The following NFE2L2 variants were observed in gnomAD, a reference collection of about 807,000 sequenced individuals.
NFE2L2 encodes NFE2 like bZIP transcription factor 2.
A neutral mutation model predicts 49.6 loss-of-function variants in NFE2L2; 20 were observed. The ratio of observed to expected loss-of-function variants is 0.40; its 90% CI spans 0.28 to 0.59. The LOEUF (loss-of-function observed/expected upper bound fraction) is 0.59. Among genes scored for constraint, NFE2L2 ranks in the 20% least tolerant of loss-of-function variants. The pLI is 0.40. For synonymous variants in NFE2L2, 244 were observed against 256.5 expected, an observed-to-expected ratio of 0.95 and a Z score of 0.47; for missense variants, 578 against 714.2, an observed-to-expected ratio of 0.81 and a Z score of 2.17.
At chr2:177,260,307 G>A (rs920658020) in intron 1 of NFE2L2, among the ~76,000 whole-genome samples, 4 of 152,140 alleles carry the variant, frequency 2.6e-5, no homozygotes, top group Non-Finnish European at 5.9e-5. Flanking sequence ...GAAAGTGGCT[G>A]GACCAAGCAT....
In NFE2L2 at chr2:177,259,910, C is replaced by T. The variant is rs150971937; in HGVS notation, c.45+4622G>A. ...TCATGCCACTGCACTCCAGCCTGGG[C>T]GACAGAGCAAGACTGCGTCTCAAAA... On this transcript the variant is annotated intron_variant, in intron 1 of 4. Coordinates refer to ENST00000397062, the MANE Select transcript of NFE2L2 (RefSeq NM_006164.5). Among the ~76,000 whole-genome samples, 812 of 151,724 alleles carry T rather than the reference C, an allele frequency of 5.4e-3. 4 individuals carry two copies. The highest frequency in any genetic ancestry group is 0.017 in the Middle Eastern group (5 of 292).
In NFE2L2 at chr2:177,234,202, A is replaced by T. The variant is rs2105459306; in HGVS notation, c.115T>A (p.Phe39Ile). 6.2e-7 allele frequency: 1 copy of T among 1,614,082 alleles called. No individual in the cohort carries two copies. Residue 39 changes from phenylalanine to isoleucine, a missense_variant, in exon 2 of 5, where the codon TTC (phenylalanine) becomes ATC (isoleucine). By Grantham distance (21) the Phe-to-Ile change is conservative (BLOSUM62 0). Transcript: ENST00000397062. ...TCATACTCTTTCCGTCGCTGACTGA[A>T]GTCAAATACTTCTCGACTTACTCCA... Reference protein sequence around the residue: ...DLGVSREVFDFSQRRKEYELE... With the variant: ...DLGVSREVFDISQRRKEYELE...
chr2:177,236,421 A>G (rs1689752698), intron 1 of NFE2L2, among the ~76,000 whole-genome samples: 1 of 152,234 alleles, frequency 6.6e-6, no homozygotes, highest in African/African-American at 2.4e-5. Context: ...GTAGTTAGGT[A>G]TACCTCACTA....
intron 1 of NFE2L2, among the ~76,000 whole-genome samples, chr2:177,262,030 A>G (rs752320313): frequency 5.3e-5 from 8 of 152,214 alleles, no homozygotes; most frequent in Non-Finnish European, 1.0e-4. Context: ...TTTCCCCCCA[A>G]CATTGCTTAT....
chr2:177,256,010 A>T (rs1318377941), intron 1 of NFE2L2: 1 of 154,714 alleles, frequency 6.5e-6, no homozygotes, highest in East Asian at 1.9e-4. Context: ...TGCCAGAGGA[A>T]GTCACTACCA....
At chr2:177,252,754 C>G (rs570697755) in intron 1 of NFE2L2, among the ~76,000 whole-genome samples, 1 of 152,290 alleles carries the variant, frequency 6.6e-6, no homozygotes, top group East Asian at 1.9e-4. Context: ...TTTTACATGT[C>G]TAACAAGGAT....
rs112007423 is a variant in NFE2L2, at chr2:177,247,633, T to C, written c.46-13362A>G. 5.3e-3 allele frequency among the ~76,000 whole-genome samples: 763 copies of C among 144,604 alleles called. 9 individuals carry two copies. Among genetic ancestry groups the C allele is most frequent in the African/African-American group, 0.019 (727 of 38,566 alleles). 94.9% of individuals were successfully genotyped at this position (144,604 alleles called of 152,430 possible). Reference sequence around the variant, plus strand: ...CCAAGATCGCTCCAAGCCGAGATCGTGCCATTGCACTCCAACCTGGGCAAC... The same window carrying C: ...CCAAGATCGCTCCAAGCCGAGATCGCGCCATTGCACTCCAACCTGGGCAAC... On this transcript the variant is annotated intron_variant, in intron 1 of 4. Coordinates refer to ENST00000397062, the MANE Select transcript of NFE2L2 (RefSeq NM_006164.5).
chr2:177,234,346 A>T (rs1181709752), intron 1 of NFE2L2, 75 bp from the exon 2 acceptor site: 1 of 1,472,912 alleles, frequency 6.8e-7, no homozygotes, highest in East Asian at 2.3e-5. Flanking sequence ...ATTAATTCAC[A>T]TTATGCCACT....
chr2:177,263,854 C>G (rs1158202397), intron 1 of NFE2L2: 4 of 985,402 alleles, frequency 4.1e-6, no homozygotes, highest in Non-Finnish European at 4.8e-6. Flanking sequence ...CCGCTGGGCA[C>G]TTAAGGCGCT....
At chr2:177,232,347 C>T in intron 4 of NFE2L2, 45 bp downstream of exon 4, 1 of 1,537,004 alleles carries the variant, frequency 6.5e-7, no homozygotes, top group South Asian at 1.2e-5. Flanking sequence ...ACTAAAGGCA[C>T]TGAATATAAA....
chr2:177,233,208 A>G (rs367921394), intron 3 of NFE2L2, 42 bp downstream of exon 3: 57 of 1,439,188 alleles, frequency 4.0e-5, no homozygotes, highest in Non-Finnish European at 5.1e-5. Flanking sequence ...TTTTATAGTT[A>G]TGATGGAGTT....
chr2:177,259,100 G>A (rs1159548119), intron 1 of NFE2L2, among the ~76,000 whole-genome samples: 1 of 152,116 alleles, frequency 6.6e-6, no homozygotes, highest in African/African-American at 2.4e-5. Flanking sequence ...ACCTGAGGTC[G>A]GGATCAGCCT....
In NFE2L2 at chr2:177,260,375, A is replaced by G. The variant is rs140782632; in HGVS notation, c.45+4157T>C. Among the ~76,000 whole-genome samples the G allele has an allele frequency of 1.9e-3, 287 of 152,362 alleles. 6 individuals are homozygous for G. The East Asian group carries it at 0.038, about 20-fold the overall frequency. On this transcript the variant is annotated intron_variant, in intron 1 of 4. Coordinates refer to ENST00000397062, the MANE Select transcript of NFE2L2 (RefSeq NM_006164.5). ...TTAGGCAAATCATCCATCAGATCCT[A>G]TAAGTCCTGCAGCACACTTAATTCA... is the stretch of plus-strand genomic sequence containing the variant.
At position 177,261,363 on chromosome 2, in the gene NFE2L2, G is replaced by A. The variant is rs921978722; in HGVS notation, c.45+3169C>T. Among the ~76,000 whole-genome samples the A allele has an allele frequency of 3.3e-5, 5 of 152,238 alleles. No homozygotes were observed. In the South Asian group the frequency reaches 1.0e-3, roughly 32 times the overall value. ...AAATGTCTTGCTAAATGGAAAAGCTGCAGACATTAATCTTTTATATTCCGG... is the reference window on the plus strand; with the variant it reads ...AAATGTCTTGCTAAATGGAAAAGCTACAGACATTAATCTTTTATATTCCGG... On this transcript the variant is annotated intron_variant, in intron 1 of 4. Coordinates refer to ENST00000397062, the MANE Select transcript of NFE2L2 (RefSeq NM_006164.5).
At chr2:177,235,072 G>A (rs528618950) in intron 1 of NFE2L2, among the ~76,000 whole-genome samples, 1 of 151,446 alleles carries the variant, frequency 6.6e-6, no homozygotes, top group Non-Finnish European at 1.5e-5. Context: ...AGCTGAGATC[G>A]CACCACTGCA....
chr2:177,234,895 C>T (rs974014503), intron 1 of NFE2L2, among the ~76,000 whole-genome samples: 2 of 151,728 alleles, frequency 1.3e-5, no homozygotes, highest in Admixed American at 1.3e-4. Context: ...GTGGGTGGAT[C>T]ACCTGAGGTC....
At chr2:177,239,022 A>G (rs1051246338) in intron 1 of NFE2L2, among the ~76,000 whole-genome samples, 1 of 152,228 alleles carries the variant, frequency 6.6e-6, no homozygotes, top group Non-Finnish European at 1.5e-5. Context: ...TTGCCACTCA[A>G]TTCCTGCTGT....
chr2:177,261,362 TGCA>T (rs916558977), intron 1 of NFE2L2, among the ~76,000 whole-genome samples: 3 of 152,192 alleles, frequency 2.0e-5, no homozygotes, highest in Non-Finnish European at 4.4e-5. Flanking sequence ...ATGGAAAAGC[TGCA>T]GACATTAATC....
At chr2:177,232,174 C>T (rs757505783) in intron 4 of NFE2L2, 166 bp from the exon 5 acceptor site, 2 of 907,274 alleles carry the variant, frequency 2.2e-6, no homozygotes, top group Non-Finnish European at 3.2e-6. Context: ...TACGCCTAAG[C>T]GTTATGTATT....
Sources: gnomAD v4.1 joint callset for allele counts (sites outside exome capture counted in the v4.1 genomes callset) on GRCh38, gnomAD v4.1.1 for gene constraint, MANE v1.5 for transcripts, NCBI Gene and HGNC (gene_info 2026-07-23, HGNC 2026-07-21) for gene names.